The following SMURF1 variants were observed in gnomAD, a reference collection of about 807,000 sequenced individuals.
SMURF1 encodes the protein SMAD specific E3 ubiquitin protein ligase 1.
In SMURF1, 44 loss-of-function variants were observed where a neutral mutation model predicts 98.0. The ratio of observed to expected loss-of-function variants is 0.45; its 90% CI spans 0.35 to 0.58. The LOEUF (loss-of-function observed/expected upper bound fraction) is 0.58, where lower values mean the gene tolerates loss of function less well. SMURF1 is among the 20% of genes least tolerant of loss of function. The pLI is 0.00. For missense variants in SMURF1, 687 were observed against 938.4 expected (o/e 0.73, Z 3.50); for synonymous variants, 396 against 374.9 (o/e 1.06, Z -0.65).
intron 1 of SMURF1, among the ~76,000 whole-genome samples, chr7:99,098,431 T>C (rs1797001208): frequency 6.6e-6 from 1 of 152,196 alleles, no homozygotes; most frequent in Non-Finnish European, 1.5e-5. Flanking sequence ...ATGCATATAA[T>C]AACAAAAGAC....
chr7:99,109,242 G>T (rs536877071), intron 1 of SMURF1, among the ~76,000 whole-genome samples: 1 of 152,140 alleles, frequency 6.6e-6, no homozygotes, highest in African/African-American at 2.4e-5. Flanking sequence ...CCCATCTTCC[G>T]TTGTCACTCT....
chr7:99,065,156 C>T (rs1169342081), intron 1 of SMURF1, among the ~76,000 whole-genome samples: 1 of 150,842 alleles, frequency 6.6e-6, no homozygotes, highest in Non-Finnish European at 1.5e-5. Context: ...TGCAGTGGTG[C>T]GATCACAGCT....
chr7:99,108,435 C>T (rs1044534533), intron 1 of SMURF1, among the ~76,000 whole-genome samples: 8 of 151,580 alleles, frequency 5.3e-5, no homozygotes, highest in Admixed American at 5.2e-4. Context: ...TATGGTGAAA[C>T]CCCGTCTCTA....
At chr7:99,137,286 A>T (rs1798013517) in intron 1 of SMURF1, among the ~76,000 whole-genome samples, 1 of 152,250 alleles carries the variant, frequency 6.6e-6, no homozygotes, top group African/African-American at 2.4e-5. Context: ...CATCTCTAGC[A>T]GGTCCTTTTG....
At chr7:99,057,924 C>T (rs1795923299) in intron 3 of SMURF1, among the ~76,000 whole-genome samples, 1 of 151,874 alleles carries the variant, frequency 6.6e-6, no homozygotes, top group Non-Finnish European at 1.5e-5. Flanking sequence ...ATTATGATAT[C>T]TCATTGAGAT....
In SMURF1 at chr7:99,035,790, G is replaced by A. The variant is rs1200639564; in HGVS notation, c.1810-74C>T. 4.9e-6 allele frequency: 7 copies of A among 1,422,906 alleles called. No individual in the cohort carries two copies. The African/African-American group carries it at 7.1e-5, about 14-fold the overall frequency. The allele number at this position is 1,422,906 out of a possible 1,614,324, so 88.1% of individuals were successfully genotyped here. On this transcript the variant is annotated intron_variant, in intron 15 of 17. Coordinates refer to ENST00000361368, the MANE Select transcript of SMURF1 (RefSeq NM_181349.3). ...GTCAGGATGCGCCTCCTAGGTACCC[G>A]ACACACAACAGTGAAAAGTCGATTC...
At chr7:99,045,303 T>C (rs966803513) in intron 11 of SMURF1, among the ~76,000 whole-genome samples, 1 of 152,248 alleles carries the variant, frequency 6.6e-6, no homozygotes, top group Non-Finnish European at 1.5e-5. Flanking sequence ...GCAATTTACA[T>C]GCACAAATGC....
intron 1 of SMURF1, among the ~76,000 whole-genome samples, chr7:99,069,280 T>C (rs1796268790): frequency 6.6e-6 from 1 of 152,332 alleles, no homozygotes; most frequent in East Asian, 1.9e-4. Context: ...TAGTTTAGTA[T>C]TCAATTACTT....
chr7:99,135,008 C>G (rs1797958367), intron 1 of SMURF1, among the ~76,000 whole-genome samples: 1 of 152,110 alleles, frequency 6.6e-6, no homozygotes, highest in Non-Finnish European at 1.5e-5. Flanking sequence ...GACAAGTAGC[C>G]AAGAATTTTA....
chr7:99,113,020 T>A (rs1282125050), intron 1 of SMURF1, among the ~76,000 whole-genome samples: 2 of 152,060 alleles, frequency 1.3e-5, no homozygotes, highest in Non-Finnish European at 2.9e-5. Context: ...AAAGAGAGTC[T>A]AAGAAGTCTG....
intron 10 of SMURF1, among the ~76,000 whole-genome samples, chr7:99,046,763 A>G (rs1443169362): frequency 1.3e-5 from 2 of 151,820 alleles, no homozygotes; most frequent in African/African-American, 2.4e-5. Context: ...AACCCAAACA[A>G]ATAAACTCTG....
At chr7:99,105,569 G>C (rs555494800) in intron 1 of SMURF1, among the ~76,000 whole-genome samples, 1 of 152,148 alleles carries the variant, frequency 6.6e-6, no homozygotes, top group Non-Finnish European at 1.5e-5. Context: ...TTATAGGTGA[G>C]AAAACTGAGG....
Position 99,063,267 on chromosome 7 carries a change from ATATATATATATATATAT to A in SMURF1, c.56-1447_56-1431del, listed in dbSNP as rs1796099432. On this transcript the variant is annotated intron_variant, in intron 1 of 17. Transcript: ENST00000361368. ...TATATATATATATATATATATATAT[ATATATATATATATATAT>A]ATATATATATATATATATATAAAAA... Among the ~76,000 whole-genome samples the A allele has an allele frequency of 3.3e-4, 3 of 9,088 alleles. 1 individual carries two copies. The highest frequency in any genetic ancestry group is 7.3e-4 in the African/African-American group (3 of 4,126). 6.0% of individuals were successfully genotyped at this position (9,088 alleles called of 152,430 possible).
chr7:99,127,424 G>A (rs1241915334), intron 1 of SMURF1, among the ~76,000 whole-genome samples: 1 of 152,112 alleles, frequency 6.6e-6, no homozygotes, highest in African/African-American at 2.4e-5. Context: ...GGGCCTGGTG[G>A]CTCACGGCTG....
In SMURF1 at chr7:99,143,717, C is replaced by G. The variant is rs1490245322; in HGVS notation, c.55+9G>C. The G allele has an allele frequency of 1.3e-6, 2 of 1,552,968 alleles. No homozygotes were observed. Among genetic ancestry groups the G allele is most frequent in the Non-Finnish European group, 1.7e-6 (2 of 1,152,706 alleles). ...GCCGGGGCGCGGGTGGGCCTCCCGC[C>G]GGCCGTACCTGTCAGACGGATCTTG... On this transcript the variant is annotated intron_variant, in intron 1 of 17. Transcript: ENST00000361368.
At chr7:99,035,487 C>A in intron 16 of SMURF1, 28 bp downstream of exon 16, 1 of 1,612,910 alleles carries the variant, frequency 6.2e-7, no homozygotes, top group Non-Finnish European at 8.5e-7. Flanking sequence ...GACGCGTCAT[C>A]GAATAGCCCT....
At chr7:99,125,436 C>G (rs184785802) in intron 1 of SMURF1, among the ~76,000 whole-genome samples, 222 of 152,298 alleles carry the variant, frequency 1.5e-3, no homozygotes, top group Non-Finnish European at 2.2e-3. Flanking sequence ...TTGTAAAGCA[C>G]TTAGTCTAAA....
At chr7:99,040,973 A>G (rs1795354448) in intron 12 of SMURF1, among the ~76,000 whole-genome samples, 1 of 152,150 alleles carries the variant, frequency 6.6e-6, no homozygotes, top group African/African-American at 2.4e-5. Context: ...AGAAAAGGGC[A>G]AGTTCCCTTC....
At chr7:99,073,429 T>C (rs1796378612) in intron 1 of SMURF1, among the ~76,000 whole-genome samples, 1 of 145,992 alleles carries the variant, frequency 6.8e-6, no homozygotes, top group Non-Finnish European at 1.5e-5. Context: ...TTCCAGTCGA[T>C]GTAGCTAACA....
Sources: allele counts gnomAD v4.1 joint callset (sites outside exome capture counted in the v4.1 genomes callset), GRCh38; gene constraint gnomAD v4.1.1; transcripts MANE v1.5; gene names NCBI Gene and HGNC (gene_info 2026-07-23, HGNC 2026-07-21).